Variants in SAXO1 observed in about 807,000 individuals in gnomAD.
The protein encoded by SAXO1 is 4930500O09Rik.
A neutral mutation model predicts 17.5 loss-of-function variants in SAXO1; 21 were observed. The observed-to-expected ratio is 1.20, with a 90% CI of 0.85 to 1.72. SAXO1 has a LOEUF of 1.72. SAXO1 is among the 40% of genes most tolerant of loss of function. The pLI is 0.00. For synonymous variants in SAXO1, 274 were observed against 216.5 expected (o/e 1.27, Z -2.33); for missense variants, 843 against 596.0 (o/e 1.41, Z -4.32).
intron 1 of SAXO1, among the ~76,000 whole-genome samples, chr9:18,970,475 C>G (rs1031928221): frequency 6.6e-6 from 1 of 152,192 alleles, no homozygotes; most frequent in Non-Finnish European, 1.5e-5. Flanking sequence ...AAAGACTCCT[C>G]CTGTCCTCTC....
chr9:18,968,689 G>T (rs1406264674), intron 1 of SAXO1, among the ~76,000 whole-genome samples: 1 of 151,700 alleles, frequency 6.6e-6, no homozygotes, highest in East Asian at 1.9e-4. Flanking sequence ...CGCCTCTCAG[G>T]TTCAAGTGAT....
intron 3 of SAXO1, among the ~76,000 whole-genome samples, chr9:18,931,187 C>CCA (rs1299383360): frequency 6.6e-6 from 1 of 152,176 alleles, no homozygotes. Context: ...ACTCCCATCT[C>CCA]CAGCCCCAGG....
chr9:19,032,664 A>C (rs191688873), intron 1 of SAXO1, among the ~76,000 whole-genome samples: 1 of 152,356 alleles, frequency 6.6e-6, no homozygotes, highest in East Asian at 1.9e-4. Flanking sequence ...GAAGCGGCAC[A>C]GAAGGCCCGA....
intron 3 of SAXO1, among the ~76,000 whole-genome samples, chr9:18,940,223 A>G (rs982369948): frequency 1.3e-5 from 2 of 152,218 alleles, no homozygotes; most frequent in African/African-American, 4.8e-5. Context: ...GGACAAGCCC[A>G]GAGGACAGGA....
In SAXO1 at chr9:18,970,425, C is replaced by G. The variant is rs1832905130; in HGVS notation, c.39-19488G>C. On this transcript the variant is annotated intron_variant, in intron 1 of 3. Transcript: ENST00000380534. ...AGGTATTGGCTAGGATCACCCTCAACTGTTACCTTTGAGGTCAGATTAACC... is the reference window on the plus strand; with the variant it reads ...AGGTATTGGCTAGGATCACCCTCAAGTGTTACCTTTGAGGTCAGATTAACC... 3.3e-5 allele frequency among the ~76,000 whole-genome samples: 5 copies of G among 152,162 alleles called. 1 individual carries two copies. The South Asian group carries it at 1.0e-3, about 32-fold the overall frequency.
intron 1 of SAXO1, among the ~76,000 whole-genome samples, chr9:19,040,528 T>C (rs545567682): frequency 7.2e-4 from 109 of 151,826 alleles, no homozygotes; most frequent in Non-Finnish European, 1.4e-3. Flanking sequence ...CCTGTAATCC[T>C]AGCTACCTGG....
chr9:18,965,375 G>A (rs1832673453), intron 1 of SAXO1, among the ~76,000 whole-genome samples: 1 of 152,106 alleles, frequency 6.6e-6, no homozygotes, highest in African/African-American at 2.4e-5. Flanking sequence ...CTATTATTGT[G>A]TGCAAGTCTA....
At chr9:18,999,535 A>C in intron 1 of SAXO1, among the ~76,000 whole-genome samples, 1 of 125,570 alleles carries the variant, frequency 8.0e-6, no homozygotes, top group Admixed American at 8.2e-5. Flanking sequence ...CGGCCGCCAC[A>C]CCGTCTGGGA....
At chr9:18,989,371 A>G (rs1833715352) in intron 1 of SAXO1, among the ~76,000 whole-genome samples, 1 of 152,142 alleles carries the variant, frequency 6.6e-6, no homozygotes, top group Non-Finnish European at 1.5e-5. Context: ...GTCTGCATTG[A>G]TGTTTATAAA....
chr9:18,948,882 G>C (rs897979286), intron 2 of SAXO1, among the ~76,000 whole-genome samples: 4 of 152,168 alleles, frequency 2.6e-5, no homozygotes, highest in Non-Finnish European at 5.9e-5. Context: ...GATATAAAGA[G>C]ATAAAAAGAC....
chr9:19,027,635 G>C (rs576881323), intron 1 of SAXO1: 4 of 1,420,792 alleles, frequency 2.8e-6, no homozygotes, highest in East Asian at 2.3e-5. Flanking sequence ...TGCCAAGCTA[G>C]TCCGGGATGC....
At chr9:18,932,312 G>T (rs551566608) in intron 3 of SAXO1, among the ~76,000 whole-genome samples, 1 of 152,284 alleles carries the variant, frequency 6.6e-6, no homozygotes, top group South Asian at 2.1e-4. Flanking sequence ...AAGTGCCTAG[G>T]CATCTTTGTG....
At chr9:18,967,407 G>A (rs1832762007) in intron 1 of SAXO1, among the ~76,000 whole-genome samples, 1 of 149,232 alleles carries the variant, frequency 6.7e-6, no homozygotes, top group Non-Finnish European at 1.5e-5. Context: ...ATAGACCCCT[G>A]ACTGGGGCTG....
chr9:19,005,218 C>T (rs1225942602), intron 1 of SAXO1, among the ~76,000 whole-genome samples: 2 of 152,080 alleles, frequency 1.3e-5, no homozygotes, highest in African/African-American at 4.8e-5. Context: ...CCAAAGTGAT[C>T]TACAGATTCA....
chr9:18,949,684 T>TCAA (rs5896826), intron 2 of SAXO1, among the ~76,000 whole-genome samples: 99,094 of 151,540 alleles, frequency 0.65, 32,930 homozygotes, highest in Middle Eastern at 0.73. Context: ...ACTCACAGTC[T>TCAA]CAGATGTTTC....
intron 1 of SAXO1, among the ~76,000 whole-genome samples, chr9:18,951,326 T>C (rs753715890): frequency 6.6e-6 from 1 of 152,188 alleles, no homozygotes; most frequent in Non-Finnish European, 1.5e-5. Flanking sequence ...CAGGGCTTAC[T>C]ACTGACCTAA....
rs1301229114 is a variant in SAXO1 at position 19,028,713 on chromosome 9, G to C, written c.38+4158C>G. 2.0e-5 allele frequency among the ~76,000 whole-genome samples: 3 copies of C among 152,154 alleles called. No individual in the cohort carries two copies. The East Asian group carries it at 5.8e-4, about 29-fold the overall frequency. ...TCAAGGAAAGAAGTAGAGCATTGTT[G>C]TGGAGGCAAAGCCTTGAGCTTGACG... is the stretch of plus-strand genomic sequence containing the variant. On this transcript the variant is annotated intron_variant, in intron 1 of 3. Transcript: ENST00000380534.
At chr9:18,959,196 T>G (rs950925531) in intron 1 of SAXO1, among the ~76,000 whole-genome samples, 1 of 152,116 alleles carries the variant, frequency 6.6e-6, no homozygotes, top group Admixed American at 6.5e-5. Context: ...AGGAGGTACT[T>G]AAGAAATGTT....
chr9:18,981,759 G>A (rs1833394668), intron 1 of SAXO1, among the ~76,000 whole-genome samples: 2 of 152,044 alleles, frequency 1.3e-5, no homozygotes, highest in African/African-American at 4.8e-5. Context: ...CACCTCACAA[G>A]TGAATAAAAA....
Sources: allele counts gnomAD v4.1 joint callset (sites outside exome capture counted in the v4.1 genomes callset), GRCh38; gene constraint gnomAD v4.1.1; transcripts MANE v1.5; gene names NCBI Gene and HGNC (gene_info 2026-07-23, HGNC 2026-07-21).